Variants in PIK3C2G observed in about 807,000 individuals in gnomAD.
PIK3C2G encodes phosphatidylinositol-4-phosphate 3-kinase catalytic subunit type 2 gamma, also known as phosphatidylinositol 3-kinase C2 domain-containing subunit gamma.
Under a neutral mutation model 181.1 loss-of-function variants are expected in PIK3C2G, and 168 were observed. The ratio of observed to expected loss-of-function variants is 0.93; its 90% confidence interval spans 0.82 to 1.05. The LOEUF is 1.05. Ranked by LOEUF, PIK3C2G falls within the 50% of genes least tolerant of loss-of-function variation. The probability of loss-of-function intolerance (pLI) is 0.00; values close to 1 mark genes in which losing one functional copy is unlikely to be tolerated. For synonymous variants in PIK3C2G, 573 were observed against 592.2 expected, an observed-to-expected ratio of 0.97 and a Z score of 0.47; for missense variants, 1,869 against 1,732.8, an observed-to-expected ratio of 1.08 and a Z score of -1.40.
intron 31 of PIK3C2G, among the ~76,000 whole-genome samples, chr12:18,633,248 C>G (rs1418115291): frequency 6.6e-6 from 1 of 151,932 alleles, no homozygotes; most frequent in Non-Finnish European, 1.5e-5. Flanking sequence ...GATGTAATAA[C>G]AAATAACGTA....
At chr12:18,705,205 A>C in the PIK3C2G span, 7 of 1,614,072 alleles carry the variant, frequency 4.3e-6, no homozygotes, top group South Asian at 7.7e-5. Flanking sequence ...CATCAAGCAT[A>C]TCAGAAAGCA....
chr12:18,671,158 C>T, the PIK3C2G span, among the ~76,000 whole-genome samples: 1 of 146,776 alleles, frequency 6.8e-6, no homozygotes, highest in Non-Finnish European at 1.5e-5. Context: ...CATTGCCCTC[C>T]AGCCCGGGTG....
intron 25 of PIK3C2G, among the ~76,000 whole-genome samples, chr12:18,541,660 C>G (rs935198532): frequency 2.0e-5 from 3 of 151,850 alleles, no homozygotes; most frequent in African/African-American, 7.2e-5. Context: ...ATGTTCCTGA[C>G]TTTTAAAAAG....
At chr12:18,647,682 A>G (rs597424) in intron 32 of PIK3C2G, among the ~76,000 whole-genome samples, 194 bp from the exon 33 acceptor site, 17,552 of 152,144 alleles carry the variant, frequency 0.12, 1,263 homozygotes, top group African/African-American at 0.2. Flanking sequence ...ATAGCCTGTC[A>G]TTAAACTCTA....
chr12:18,379,382 G>A (rs1169734224), intron 13 of PIK3C2G, among the ~76,000 whole-genome samples: 2 of 108,954 alleles, frequency 1.8e-5, no homozygotes, highest in African/African-American at 3.5e-5. Flanking sequence ...GGGGAGGGGG[G>A]AGGGATAGCA....
chr12:18,720,973 A>T, the PIK3C2G span, among the ~76,000 whole-genome samples: 1 of 152,120 alleles, frequency 6.6e-6, no homozygotes, highest in Non-Finnish European at 1.5e-5. Flanking sequence ...AAAAAATAAA[A>T]GCTAGAAGAA....
downstream of PIK3C2G, among the ~76,000 whole-genome samples, chr12:18,650,704 G>GTGTATA (rs1950446696): frequency 5.2e-5 from 3 of 57,764 alleles, no homozygotes; most frequent in Non-Finnish European, 8.1e-5. Context: ...GTGTGTGTGT[G>GTGTATA]TATATATCTA....
the PIK3C2G span, among the ~76,000 whole-genome samples, chr12:18,655,588 T>C: frequency 1.3e-5 from 2 of 152,122 alleles, no homozygotes; most frequent in Non-Finnish European, 2.9e-5. Context: ...ATTAACTTTA[T>C]AGTAGAGAAA....
chr12:18,667,503 C>T, the PIK3C2G span, among the ~76,000 whole-genome samples: 4 of 152,122 alleles, frequency 2.6e-5, no homozygotes, highest in Admixed American at 1.3e-4. Flanking sequence ...AATAACTGCT[C>T]TATAAGCTAG....
chr12:18,563,174 A>G lies in PIK3C2G; in HGVS notation c.3781-203A>G, dbSNP rs371948385. Among the ~76,000 whole-genome samples, 6 of 152,210 alleles carry G rather than the reference A, an allele frequency of 3.9e-5. No individual in the cohort carries two copies. In the East Asian group the frequency reaches 1.2e-3, roughly 29 times the overall value. On this transcript the variant is annotated intron_variant, in intron 27 of 32. Transcript: ENST00000538779. ...CCACAAGAACAGCAAAAATTAGGCA[A>G]TCTGTTCCTAGCACATACAATTGTG...
intron 11 of PIK3C2G, among the ~76,000 whole-genome samples, chr12:18,349,634 A>C (rs906384074): frequency 1.3e-5 from 2 of 152,214 alleles, no homozygotes; most frequent in African/African-American, 4.8e-5. Context: ...CATTATATAG[A>C]ATAGAAATTT....
chr12:18,338,919 ATT>A (rs1938844419), intron 9 of PIK3C2G, among the ~76,000 whole-genome samples: 1 of 152,106 alleles, frequency 6.6e-6, no homozygotes, highest in Non-Finnish European at 1.5e-5. Flanking sequence ...GTTTGTATAG[ATT>A]GTTAATGGTT....
chr12:18,312,232 A>C (rs1204207659), intron 5 of PIK3C2G, among the ~76,000 whole-genome samples: 3 of 152,208 alleles, frequency 2.0e-5, no homozygotes, highest in Admixed American at 2.0e-4. Context: ...ATTAACCAAC[A>C]CACTAGACAT....
At position 18,282,507 on chromosome 12, in the gene PIK3C2G, T is replaced by A; in HGVS notation, c.426T>A (p.Ser142Arg). The A allele has an allele frequency of 6.2e-7, 1 of 1,612,324 alleles. No homozygotes were observed. Reference sequence around the variant, plus strand: ...ATGGTGCTGATGATTCCAGATTCAGTATTTTAGCTCCATCATTCACAAGTT... The same window carrying A: ...ATGGTGCTGATGATTCCAGATTCAGAATTTTAGCTCCATCATTCACAAGTT... ...KHHGADDSRF[S>R]ILAPSFTSLD... Residue 142 changes from serine (S) to arginine (R), a missense_variant, in exon 2 of 33, where the codon AGT becomes AGA. Transcript: ENST00000538779.
At chr12:18,300,420 C>A (rs962401953) in intron 5 of PIK3C2G, among the ~76,000 whole-genome samples, 35 of 151,914 alleles carry the variant, frequency 2.3e-4, no homozygotes, top group African/African-American at 8.0e-4. Flanking sequence ...TCTATTTTAT[C>A]TGATATAAGT....
At chr12:18,630,392 A>G (rs1335761606) in intron 31 of PIK3C2G, among the ~76,000 whole-genome samples, 1 of 152,152 alleles carries the variant, frequency 6.6e-6, no homozygotes, top group Non-Finnish European at 1.5e-5. Flanking sequence ...ATTTTTTCTC[A>G]AAAACAAAAT....
chr12:18,356,059 C>T (rs1171037777), intron 11 of PIK3C2G, among the ~76,000 whole-genome samples: 1 of 152,120 alleles, frequency 6.6e-6, no homozygotes, highest in Non-Finnish European at 1.5e-5. Flanking sequence ...TTCAGTTTCC[C>T]CAGGACTTTA....
chr12:18,517,479 A>G (rs906730952), intron 24 of PIK3C2G, among the ~76,000 whole-genome samples: 1 of 152,022 alleles, frequency 6.6e-6, no homozygotes, highest in Non-Finnish European at 1.5e-5. Flanking sequence ...TAGGTATTTT[A>G]TTCTCTTTGT....
upstream of PIK3C2G, among the ~76,000 whole-genome samples, chr12:18,244,371 G>C (rs1948017434): frequency 6.6e-6 from 1 of 151,916 alleles, no homozygotes; most frequent in Non-Finnish European, 1.5e-5. Flanking sequence ...AATCTAATAT[G>C]TTAGATTGTT....
Sources: allele counts gnomAD v4.1 joint callset (sites outside exome capture counted in the v4.1 genomes callset), GRCh38; gene constraint gnomAD v4.1.1; transcripts MANE v1.5; gene names NCBI Gene and HGNC (gene_info 2026-07-23, HGNC 2026-07-21).